Variants in KNTC1 observed in about 807,000 individuals in gnomAD.
KNTC1 encodes the protein kinetochore-associated protein 1.
In KNTC1, 253 loss-of-function variants were observed where a neutral mutation model predicts 314.4. The ratio of observed to expected loss-of-function variants is 0.80; its 90% CI spans 0.73 to 0.89. KNTC1 has a LOEUF of 0.89. KNTC1 is among the 40% of genes least tolerant of loss of function. The pLI is 0.00. For synonymous variants in KNTC1, 901 were observed against 901.4 expected (o/e 1.00, Z 0.01); for missense variants, 2,475 against 2,572.9 (o/e 0.96, Z 0.82).
At position 122,568,488 on chromosome 12, in the gene KNTC1, T is replaced by C. The variant is rs1478560739; in HGVS notation, c.1716+116T>C. 6.8e-6 allele frequency: 5 copies of C among 739,838 alleles called. No homozygotes were observed. In the Admixed American group the frequency reaches 9.1e-5, roughly 13 times the overall value. 45.8% of individuals were successfully genotyped at this position (739,838 alleles called of 1,614,324 possible). On this transcript the variant is annotated intron_variant, in intron 21 of 63. Coordinates refer to ENST00000333479, the MANE Select transcript of KNTC1 (RefSeq NM_014708.6). ...GACTGGGTGATGGGATGTTTTTTGA[T>C]TGGTTCTTAAAATATGACTTGCTTT... is the stretch of plus-strand genomic sequence containing the variant.
intron 62 of KNTC1, among the ~76,000 whole-genome samples, chr12:122,623,565 A>G (rs1332344282): frequency 6.6e-6 from 1 of 152,208 alleles, no homozygotes; most frequent in African/African-American, 2.4e-5. Flanking sequence ...AGCTGGACAT[A>G]CTTGAAGTCT....
Position 122,584,451 on chromosome 12 carries a change from G to A in KNTC1, c.3436+1G>A. On this transcript the variant is annotated splice_donor_variant, in intron 35 of 63. Transcript: ENST00000333479. LOFTEE classifies it high-confidence loss of function. ...CAAGCTGCCACCATTTGCAGTCCAG[G>A]TGACAATATTTATAATATACGTAGT... 1.9e-6 allele frequency: 3 copies of A among 1,596,792 alleles called. No homozygotes were observed. The highest frequency in any genetic ancestry group is 2.6e-6 in the Non-Finnish European group (3 of 1,170,606).
chr12:122,555,081 A>G (rs944540482), intron 16 of KNTC1, among the ~76,000 whole-genome samples: 2 of 152,144 alleles, frequency 1.3e-5, no homozygotes, highest in Non-Finnish European at 2.9e-5. Context: ...TAACTTTTGG[A>G]CTGCATAATT....
Position 122,620,592 on chromosome 12 carries a change from G to A in KNTC1, c.6263G>A (p.Arg2088Lys). The A allele has an allele frequency of 6.2e-7, 1 of 1,613,572 alleles. No homozygotes were observed. The highest frequency in any genetic ancestry group is 1.7e-5 in the Admixed American group (1 of 59,974). Residue 2088 changes from arginine (R) to lysine (K), a missense_variant, in exon 60 of 64, where the codon AGA (arginine) becomes AAA (lysine). Physicochemically the swap from Arg to Lys is conservative, Grantham distance 26. Coordinates refer to ENST00000333479, the MANE Select transcript of KNTC1 (RefSeq NM_014708.6). ...ATGCTCATGCCCCACTCAGAGAAAA[G>A]ACACCAGCAAATTAAGGTATCGTGC... ...CLMLMPHSEK[R>K]HQQIKNFLGS...
intron 13 of KNTC1, among the ~76,000 whole-genome samples, chr12:122,550,562 G>A (rs984240762): frequency 1.3e-5 from 2 of 151,940 alleles, no homozygotes; most frequent in African/African-American, 4.8e-5. Context: ...TAGTACCGTC[G>A]CTCAATCATA....
rs750669311 is a variant in KNTC1, at chr12:122,557,389, T to A, written c.1278T>A (p.Val426=). 6.8e-6 allele frequency: 11 copies of A among 1,611,964 alleles called. No individual in the cohort carries two copies. The highest frequency in any genetic ancestry group is 8.5e-6 in the Non-Finnish European group (10 of 1,179,036). The change falls in exon 17 of 64, where the codon GTT becomes GTA. Residue 426 remains valine, a synonymous_variant. Transcript: ENST00000333479. ...GTGGCGTGTTTATATTACAGCTTGTTTACAAGGTCAAGTCAAATCATATAT... is the reference window on the plus strand; with the variant it reads ...GTGGCGTGTTTATATTACAGCTTGTATACAAGGTCAAGTCAAATCATATAT... The part of the protein sequence containing the change: ...AIQFGLDVEL[V]YKVKSNHILE...
At chr12:122,611,481 A>G (rs1207222472) in intron 53 of KNTC1, 1 of 152,460 alleles carries the variant, frequency 6.6e-6, no homozygotes, top group Non-Finnish European at 1.5e-5. Context: ...GACAAAAAGG[A>G]AAAAGCCTCC....
In KNTC1 at chr12:122,551,629, G is replaced by A. The variant is rs1408450834; in HGVS notation, c.1205G>A (p.Arg402Gln). The change falls in exon 16 of 64, where the codon CGG becomes CAG. Residue 402 changes from arginine to glutamine, a missense_variant. Transcript: ENST00000333479. ...CTCTTCCAACTTAACAGATTGAGTC[G>A]GTTACTTCACAAACACAGATTTGCT... The part of the protein sequence containing the change: ...TEALPENRLS[R>Q]LLHKHRFAEA... The A allele has an allele frequency of 3.7e-6, 6 of 1,613,218 alleles. No homozygotes were observed. Among genetic ancestry groups the A allele is most frequent in the Non-Finnish European group, 4.2e-6 (5 of 1,179,532 alleles).
At chr12:122,575,146 A>G (rs1314641259) in intron 27 of KNTC1, among the ~76,000 whole-genome samples, 1 of 152,126 alleles carries the variant, frequency 6.6e-6, no homozygotes, top group Non-Finnish European at 1.5e-5. Flanking sequence ...CTGTAGTCCA[A>G]GCTACTTGGG....
chr12:122,557,921 T>C (rs984448434), intron 18 of KNTC1, among the ~76,000 whole-genome samples: 1 of 152,210 alleles, frequency 6.6e-6, no homozygotes, highest in African/African-American at 2.4e-5. Context: ...AGCATCATTA[T>C]TGTCAATTTT....
In KNTC1 at chr12:122,533,944, C is replaced by G. The variant is rs183122463; in HGVS notation, c.130-720C>G. Among the ~76,000 whole-genome samples, 43 of 152,208 alleles carry G rather than the reference C, an allele frequency of 2.8e-4. 2 individuals carry two copies. Among genetic ancestry groups the G allele is most frequent in the African/African-American group, 1.0e-3 (43 of 41,522 alleles). ...CCTTGTAGGTATTATTATTGTTACT[C>G]TTTTACATGGAGTTAGTTGATGCAT... is the stretch of plus-strand genomic sequence containing the variant. On this transcript the variant is annotated intron_variant, in intron 2 of 63. Coordinates refer to ENST00000333479, the MANE Select transcript of KNTC1 (RefSeq NM_014708.6).
At chr12:122,563,582 T>C (rs1306953182) in intron 20 of KNTC1, among the ~76,000 whole-genome samples, 1 of 152,156 alleles carries the variant, frequency 6.6e-6, no homozygotes, top group African/African-American at 2.4e-5. Context: ...TATTTTTTTT[T>C]CCTAGTAGTA....
At chr12:122,537,211 C>T (rs906207699) in intron 3 of KNTC1, among the ~76,000 whole-genome samples, 5 of 152,124 alleles carry the variant, frequency 3.3e-5, no homozygotes, top group African/African-American at 1.2e-4. Context: ...GAGCTGTGTC[C>T]ACCATCTGAA....
At position 122,603,181 on chromosome 12, in the gene KNTC1, C is replaced by T; in HGVS notation, c.5039C>T (p.Ser1680Phe). Residue 1680 changes from serine (S) to phenylalanine (F), a missense_variant, in exon 48 of 64, where the codon TCT becomes TTT. Ser to Phe is a radical substitution (Grantham distance 155). Transcript: ENST00000333479. ...ITQTIESCLLSIVNPEWAVAI... is the reference protein window; with the variant it reads ...ITQTIESCLLFIVNPEWAVAI... Reference sequence around the variant, plus strand: ...CAGACCATCGAATCCTGCTTACTCTCTATAGTCAACCCAGAGTGGGCTGTA... The same window carrying T: ...CAGACCATCGAATCCTGCTTACTCTTTATAGTCAACCCAGAGTGGGCTGTA... 1 of 1,613,232 alleles carries T rather than the reference C, an allele frequency of 6.2e-7. No individual in the cohort carries two copies. Among genetic ancestry groups the T allele is most frequent in the Non-Finnish European group, 8.5e-7 (1 of 1,179,706 alleles).
intron 18 of KNTC1, among the ~76,000 whole-genome samples, chr12:122,559,499 T>C (rs1244041061): frequency 6.6e-6 from 1 of 152,174 alleles, no homozygotes; most frequent in Non-Finnish European, 1.5e-5. Flanking sequence ...TTGTTTATAC[T>C]TTTTTCCCCC....
At chr12:122,534,111 T>A (rs80000498) in intron 2 of KNTC1, among the ~76,000 whole-genome samples, 6,708 of 152,304 alleles carry the variant, frequency 0.044, 468 homozygotes, top group African/African-American at 0.15. Context: ...GTCTACTGTT[T>A]TTAAAAATGT....
intron 44 of KNTC1, among the ~76,000 whole-genome samples, chr12:122,599,010 A>T (rs1871448957): frequency 1.3e-5 from 2 of 151,894 alleles, no homozygotes; most frequent in Non-Finnish European, 1.5e-5. Context: ...TAAATTAAAA[A>T]AAAAATTTTT....
chr12:122,584,868 A>G, intron 35 of KNTC1, 25 bp from the exon 36 acceptor site: 2 of 1,152,312 alleles, frequency 1.7e-6, no homozygotes, highest in Non-Finnish European at 2.6e-6. Flanking sequence ...TATGAGTTTA[A>G]TGATTTTTCT....
intron 12 of KNTC1, 144 bp downstream of exon 12, chr12:122,548,113 T>A: frequency 1.9e-6 from 1 of 527,576 alleles, no homozygotes; most frequent in South Asian, 3.0e-5. Flanking sequence ...CCTGCAGAAC[T>A]CTTTTTAAAG....
Sources: allele counts gnomAD v4.1 joint callset (sites outside exome capture counted in the v4.1 genomes callset), GRCh38; gene constraint gnomAD v4.1.1; transcripts MANE v1.5; gene names NCBI Gene and HGNC (gene_info 2026-07-23, HGNC 2026-07-21).